ZNF511: variants seen among roughly 807,000 people sequenced by gnomAD.
ZNF511 encodes zinc finger protein 511.
ZNF511 carries 26 observed loss-of-function variants against 24.8 expected under a neutral mutation model. The ratio of observed to expected loss-of-function variants is 1.05; its 90% confidence interval spans 0.77 to 1.46. The LOEUF is 1.46. Among genes scored for constraint, ZNF511 ranks in the 40% most tolerant of loss-of-function variants. ZNF511 has a pLI of 0.00. For missense variants in ZNF511, 358 were observed against 345.0 expected (o/e 1.04, Z -0.30); for synonymous variants, 144 against 139.6 (o/e 1.03, Z -0.22).
At position 133,311,311 on chromosome 10, in the gene ZNF511, C is replaced by T. The variant is rs530521936; in HGVS notation, c.555-405C>T. Among the ~76,000 whole-genome samples, 34 of 152,170 alleles carry T rather than the reference C, an allele frequency of 2.2e-4. 1 individual carries two copies. The South Asian group carries it at 5.6e-3, about 25-fold the overall frequency. The stretch of plus-strand genomic sequence containing the variant: ...ACGTGTAAAGTAATTGTCTCCTTTC[C>T]GAGGGATCATTTTAAGGAGAAAAAC... On this transcript the variant is annotated intron_variant, in intron 4 of 5. Coordinates refer to ENST00000361518, the MANE Select transcript of ZNF511 (RefSeq NM_145806.4).
rs905944140 is a variant in ZNF511, at chr10:133,310,195, A to G, written c.461A>G (p.Lys154Arg). ...YQCLVEGCTE[K>R]FKTSRDRKDH... Reference sequence around the variant, plus strand: ...TGCTTGGTAGAAGGCTGCACAGAGAAGTTCAAGACCAGCAGAGACCGGAAG... The same window carrying G: ...TGCTTGGTAGAAGGCTGCACAGAGAGGTTCAAGACCAGCAGAGACCGGAAG... Residue 154 changes from lysine to arginine, a missense_variant, in exon 4 of 6, where the codon AAG (lysine) becomes AGG (arginine). Coordinates refer to ENST00000361518, the MANE Select transcript of ZNF511 (RefSeq NM_145806.4). The G allele has an allele frequency of 6.2e-7, 1 of 1,613,922 alleles. No homozygotes were observed.
Position 133,311,734 on chromosome 10 carries a change from C to T in ZNF511, c.573C>T (p.Ala191=). 6.2e-7 allele frequency: 1 copy of T among 1,613,518 alleles called. No homozygotes were observed. ...CCCGCAGCCCAGCCTCAGCAGAAGCCCCAGGGGACAGTGGAGAGCGGTCAG... is the reference window on the plus strand; with the variant it reads ...CCCGCAGCCCAGCCTCAGCAGAAGCTCCAGGGGACAGTGGAGAGCGGTCAG... The part of the protein sequence containing the change: ...KKSRSPASAE[A]PGDSGERSEG... Residue 191 remains alanine (A), a synonymous_variant, in exon 5 of 6, where the codon GCC becomes GCT. Coordinates refer to ENST00000361518, the MANE Select transcript of ZNF511 (RefSeq NM_145806.4).
chr10:133,312,401 G>A, intron 5 of ZNF511: 1 of 1,170,698 alleles, frequency 8.5e-7, no homozygotes, highest in South Asian at 2.3e-5. Flanking sequence ...CAAACAGGTG[G>A]AACGATGAAC....
chr10:133,311,590 G>A lies in ZNF511; in HGVS notation c.555-126G>A, dbSNP rs1032864682. On this transcript the variant is annotated intron_variant, in intron 4 of 5. Transcript: ENST00000361518. ...AAACCACACTATAAAATCAGACTATGCCAAAATAGTAAGAAAATATGCTAC... is the reference window on the plus strand; with the variant it reads ...AAACCACACTATAAAATCAGACTATACCAAAATAGTAAGAAAATATGCTAC... 5.3e-5 allele frequency: 43 copies of A among 813,022 alleles called. No individual in the cohort carries two copies. In the Admixed American group the frequency reaches 5.5e-4, roughly 10 times the overall value. The allele number at this position is 813,022 out of a possible 1,614,324, so 50.4% of individuals were successfully genotyped here.
In ZNF511 at chr10:133,312,603, A is replaced by AC. The variant is rs1333963313; in HGVS notation, c.681-179dup. The stretch of plus-strand genomic sequence containing the variant: ...GGGTGTGCGTTGGTGGCTGGCGGGG[A>AC]CCCCCCACAGGAACTAGGTCTCAGG... On this transcript the variant is annotated intron_variant, in intron 5 of 5. Coordinates refer to ENST00000361518, the MANE Select transcript of ZNF511 (RefSeq NM_145806.4). The AC allele has an allele frequency of 5.1e-5, 75 of 1,478,978 alleles. No individual in the cohort carries two copies. In the East Asian group the frequency reaches 1.1e-3, roughly 22 times the overall value. The allele number at this position is 1,478,978 out of a possible 1,614,324, so 91.6% of individuals were successfully genotyped here. A position where few individuals can be genotyped will look rare whatever the true frequency, so the allele number is the denominator to read the frequency against.
chr10:133,310,578 C>T lies in ZNF511; in HGVS notation c.554+290C>T, dbSNP rs945997170. 64 of 441,002 alleles carry T rather than the reference C, an allele frequency of 1.5e-4. No homozygotes were observed. The East Asian group carries it at 3.0e-3, about 20-fold the overall frequency. 27.3% of individuals were successfully genotyped at this position (441,002 alleles called of 1,614,324 possible). ...GCGCAGCGCCTCCGCACTCACACCC[C>T]TCTGGGCCATGCCTGTACCTCCTGC... On this transcript the variant is annotated intron_variant, in intron 4 of 5. Coordinates refer to ENST00000361518, the MANE Select transcript of ZNF511 (RefSeq NM_145806.4).
At chr10:133,310,012 C>T in intron 3 of ZNF511, 35 bp downstream of exon 3, 1 of 1,611,506 alleles carries the variant, frequency 6.2e-7, no homozygotes, top group African/African-American at 1.3e-5. Flanking sequence ...GAGGCCACCC[C>T]CCATTGGTGA....
rs1848025642 is a variant in ZNF511 at position 133,312,977 on chromosome 10, C to T, written c.*111C>T. 1 of 1,562,430 alleles carries T rather than the reference C, an allele frequency of 6.4e-7. No individual in the cohort carries two copies. The highest frequency in any genetic ancestry group is 8.6e-7 in the Non-Finnish European group (1 of 1,157,342). On this transcript the variant is annotated 3_prime_UTR_variant, in exon 6 of 6. Transcript: ENST00000361518. Reference sequence around the variant, plus strand: ...GCCCTGGGGGCCAGGCCCTCGCCATCCTCCCCATCCTTGTTCCTCAGCAAA... The same window carrying T: ...GCCCTGGGGGCCAGGCCCTCGCCATTCTCCCCATCCTTGTTCCTCAGCAAA...
intron 5 of ZNF511, chr10:133,312,486 A>G: frequency 7.8e-7 from 1 of 1,282,894 alleles, no homozygotes; most frequent in East Asian, 3.5e-5. Context: ...CTGGGACAGT[A>G]GGGGTTTTCA....
chr10:133,310,654 A>C, intron 4 of ZNF511: 2 of 270,296 alleles, frequency 7.4e-6, no homozygotes, highest in East Asian at 9.6e-5. Context: ...CCGTGTCTGT[A>C]CCTCCTGCAG....
chr10:133,309,004 C>G lies in ZNF511; in HGVS notation c.61C>G (p.Leu21Val), dbSNP rs1342745621. 8.0e-6 allele frequency: 10 copies of G among 1,251,300 alleles called. No individual in the cohort carries two copies. Among genetic ancestry groups the G allele is most frequent in the Non-Finnish European group, 1.0e-5 (10 of 990,706 alleles). 77.5% of individuals were successfully genotyped at this position (1,251,300 alleles called of 1,614,324 possible). The change falls in exon 1 of 6, where the codon CTG (leucine) becomes GTG (valine). Residue 21 changes from leucine (L) to valine (V), a missense_variant. Transcript: ENST00000361518. ...TGCGGGGCCCGGGGCGGCGGAGCCG[C>G]TGCCTGTAGAGCGGGATCCCGCGGC... ...LAAGPGAAEP[L>V]PVERDPAAGA... is the part of the protein sequence containing the mutation.
At chr10:133,310,311 A>G (rs1367969058) in intron 4 of ZNF511, 23 bp downstream of exon 4, 1 of 1,612,876 alleles carries the variant, frequency 6.2e-7, no homozygotes, top group South Asian at 1.1e-5. Flanking sequence ...CAGGCTCAGC[A>G]CGTGTCTGCT....
intron 5 of ZNF511, 114 bp from the exon 6 acceptor site, chr10:133,312,674 A>G: frequency 1.3e-6 from 2 of 1,576,218 alleles, no homozygotes; most frequent in East Asian, 2.3e-5. Context: ...CCGGCTCTGC[A>G]TTCCGCATGT....
chr10:133,312,154 T>TAGCG, intron 5 of ZNF511: 1 of 1,433,844 alleles, frequency 7.0e-7, no homozygotes, highest in Non-Finnish European at 9.1e-7. Context: ...GGCGTCTGCC[T>TAGCG]TAATAGCATC....
At chr10:133,311,978 AGAG>A (rs1201179478) in intron 5 of ZNF511, 137 bp downstream of exon 5, 1 of 1,609,606 alleles carries the variant, frequency 6.2e-7, no homozygotes, top group African/African-American at 1.3e-5. Context: ...GGCTTCCGCC[AGAG>A]AAGAAAGTCC....
At chr10:133,312,281 T>C (rs1038828718) in intron 5 of ZNF511, 30 of 1,236,534 alleles carry the variant, frequency 2.4e-5, no homozygotes, top group Admixed American at 8.4e-5. Flanking sequence ...TGACCTGTAC[T>C]GTCTGCCTTT....
At chr10:133,312,280 C>CT in intron 5 of ZNF511, 1 of 1,270,862 alleles carries the variant, frequency 7.9e-7, no homozygotes, top group Non-Finnish European at 9.9e-7. Context: ...ATGACCTGTA[C>CT]TGTCTGCCTT....
chr10:133,310,198 T>C lies in ZNF511; in HGVS notation c.464T>C (p.Phe155Ser), dbSNP rs1847958197. The change falls in exon 4 of 6, where the codon TTC (phenylalanine) becomes TCC (serine). Residue 155 changes from phenylalanine to serine, a missense_variant. Transcript: ENST00000361518. ...QCLVEGCTEK[F>S]KTSRDRKDHM... ...TTGGTAGAAGGCTGCACAGAGAAGT[T>C]CAAGACCAGCAGAGACCGGAAGGAT... is the stretch of plus-strand genomic sequence containing the variant. 5 of 1,613,732 alleles carry C rather than the reference T, an allele frequency of 3.1e-6. No individual in the cohort carries two copies. The Admixed American group carries it at 8.3e-5, about 27-fold the overall frequency.
In ZNF511 at chr10:133,309,941, TTCG is replaced by T; in HGVS notation, c.394_396del (p.Ser132del). The T allele has an allele frequency of 1.2e-6, 2 of 1,613,414 alleles. No individual in the cohort carries two copies. The highest frequency in any genetic ancestry group is 1.7e-6 in the Non-Finnish European group (2 of 1,179,988). On this transcript the variant is annotated inframe_deletion, in exon 3 of 6. Transcript: ENST00000361518. ...ACGCCCACATCCTGGAGTGGCACGA[TTCG>T]CTCTTCCAGATCCTGTCTGAGAGGC...
Sources: gnomAD v4.1 joint callset for allele counts (sites outside exome capture counted in the v4.1 genomes callset) on GRCh38, gnomAD v4.1.1 for gene constraint, MANE v1.5 for transcripts, NCBI Gene and HGNC (gene_info 2026-07-23, HGNC 2026-07-21) for gene names.